ZNF469: variants seen among roughly 807,000 people sequenced by gnomAD.
The protein encoded by ZNF469 is zinc finger protein 469.
In ZNF469, 1 loss-of-function variant was observed where a neutral mutation model predicts 1.0. The observed-to-expected ratio is 1.00, with a 90% confidence interval of 0.35 to 4.73. ZNF469 has a LOEUF of 4.73. Ranked by LOEUF, ZNF469 falls within the 30% of genes most tolerant of loss-of-function variation. The pLI, the probability that ZNF469 is intolerant of heterozygous loss-of-function variation, is 0.16. For synonymous variants in ZNF469, 2,703 were observed against 2,363.4 expected (o/e 1.14, Z -4.17); for missense variants, 6,100 against 5,356.3 (o/e 1.14, Z -4.33).
At chr16:88,321,648 G>T in the ZNF469 span, among the ~76,000 whole-genome samples, 1 of 151,876 alleles carries the variant, frequency 6.6e-6, no homozygotes, top group South Asian at 2.1e-4. Context: ...GATTGGATGT[G>T]ACCCTCGGAT....
At chr16:88,289,032 A>G in the ZNF469 span, among the ~76,000 whole-genome samples, 4 of 151,066 alleles carry the variant, frequency 2.6e-5, no homozygotes, top group Non-Finnish European at 4.4e-5. Flanking sequence ...TGAGGGTGAT[A>G]ATGATAACAG....
chr16:88,310,966 G>A, the ZNF469 span, among the ~76,000 whole-genome samples: 26 of 152,162 alleles, frequency 1.7e-4, no homozygotes, highest in Non-Finnish European at 2.9e-4. Flanking sequence ...CTCATTCACC[G>A]TGCACCCTCA....
chr16:88,246,310 A>G, the ZNF469 span, among the ~76,000 whole-genome samples: 1 of 152,248 alleles, frequency 6.6e-6, no homozygotes, highest in Non-Finnish European at 1.5e-5. Context: ...GTCAGGTACC[A>G]GTTCCATCTT....
At chr16:88,135,566 G>A in the ZNF469 span, among the ~76,000 whole-genome samples, 29 of 152,150 alleles carry the variant, frequency 1.9e-4, no homozygotes, top group Admixed American at 1.4e-3. Flanking sequence ...GGAAGGCCCC[G>A]CACGTTAGCT....
At chr16:88,121,914 G>A in the ZNF469 span, among the ~76,000 whole-genome samples, 1 of 152,242 alleles carries the variant, frequency 6.6e-6, no homozygotes, top group East Asian at 1.9e-4. Flanking sequence ...GTGCGTCCCT[G>A]TCCTCTCATC....
chr16:88,388,019 C>T lies in ZNF469; in HGVS notation c.-192+4765C>T, dbSNP rs181740235. Among the ~76,000 whole-genome samples, 772 of 152,372 alleles carry T rather than the reference C, an allele frequency of 5.1e-3. 1 individual carries two copies. The highest frequency in any genetic ancestry group is 8.6e-3 in the Non-Finnish European group (583 of 68,040). On this transcript the variant is annotated intron_variant, in intron 1 of 2. Coordinates refer to ENST00000565624, the MANE Select transcript of ZNF469 (RefSeq NM_001367624.2). ...ACAGGGCAGCCACGGCTCCCAGCCT[C>T]GGTTTGCGTTACCAAGTGGGGTGCA...
Position 88,439,358 on chromosome 16 carries a change from G to T in ZNF469, c.*26G>T. The stretch of plus-strand genomic sequence containing the variant: ...TTTCTAGGAGCAAGAGCCTGGGACC[G>T]GAGCTGGGCGTTCCTGTCTCGGCCT... On this transcript the variant is annotated 3_prime_UTR_variant, in exon 3 of 3. Transcript: ENST00000565624. 6.5e-7 allele frequency: 1 copy of T among 1,549,772 alleles called. No individual in the cohort carries two copies. The highest frequency in any genetic ancestry group is 8.7e-7 in the Non-Finnish European group (1 of 1,146,784).
chr16:88,437,627 G>A lies in ZNF469; in HGVS notation c.10157G>A (p.Gly3386Glu). ...GGGGAGCTGCTGGCACACCTGGGCG[G>A]GGCGCACGGGCTGCTGGAGCGGCCG... ...EHGELLAHLG[G>E]AHGLLERPEL... The change falls in exon 3 of 3, where the codon GGG becomes GAG. Residue 3386 changes from glycine (G) to glutamate (E), a missense_variant. Transcript: ENST00000565624. 6.5e-7 allele frequency: 1 copy of A among 1,541,430 alleles called. No individual in the cohort carries two copies. Among genetic ancestry groups the A allele is most frequent in the Non-Finnish European group, 8.8e-7 (1 of 1,140,484 alleles).
At chr16:88,268,594 C>T in the ZNF469 span, among the ~76,000 whole-genome samples, 2 of 152,198 alleles carry the variant, frequency 1.3e-5, no homozygotes, top group Admixed American at 6.5e-5. Flanking sequence ...GAAGAACATG[C>T]AGGGGTCAAG....
the ZNF469 span, among the ~76,000 whole-genome samples, chr16:88,303,650 C>T: frequency 6.6e-5 from 10 of 152,210 alleles, no homozygotes; most frequent in Non-Finnish European, 1.0e-4. Context: ...CTGATGGCTC[C>T]GGCGGTGCCT....
chr16:88,419,584 C>T (rs1905395798), intron 1 of ZNF469, among the ~76,000 whole-genome samples: 1 of 152,126 alleles, frequency 6.6e-6, no homozygotes, highest in Admixed American at 6.5e-5. Flanking sequence ...TGGGTGTGGA[C>T]AGCCTCCCTA....
the ZNF469 span, among the ~76,000 whole-genome samples, chr16:88,291,051 C>T: frequency 1.3e-5 from 2 of 152,280 alleles, no homozygotes; most frequent in South Asian, 4.1e-4. Flanking sequence ...GGATGGGCTC[C>T]AGGTGTGTGT....
At chr16:88,298,365 A>G in the ZNF469 span, among the ~76,000 whole-genome samples, 2 of 152,190 alleles carry the variant, frequency 1.3e-5, no homozygotes, top group Non-Finnish European at 2.9e-5. Context: ...TCTCCGGGAA[A>G]GGGCGGATGA....
At chr16:88,340,023 G>A in the ZNF469 span, among the ~76,000 whole-genome samples, 2 of 152,050 alleles carry the variant, frequency 1.3e-5, no homozygotes, top group Admixed American at 1.3e-4. Context: ...GCAGGGGACA[G>A]GTGCAATATT....
At chr16:88,216,054 A>G in the ZNF469 span, among the ~76,000 whole-genome samples, 10 of 151,820 alleles carry the variant, frequency 6.6e-5, no homozygotes, top group East Asian at 1.9e-4. Context: ...ACTCTCTTCC[A>G]TATTTTTTTT....
the ZNF469 span, among the ~76,000 whole-genome samples, chr16:88,118,835 C>T: frequency 3.9e-5 from 6 of 152,210 alleles, no homozygotes; most frequent in East Asian, 1.9e-4. Flanking sequence ...GAGAACCACA[C>T]GGATAAGCAA....
the ZNF469 span, among the ~76,000 whole-genome samples, chr16:88,336,343 C>CCA: frequency 6.7e-6 from 1 of 149,864 alleles, no homozygotes; most frequent in Non-Finnish European, 1.5e-5. Context: ...CATGCCAACA[C>CCA]CACACATGTT....
the ZNF469 span, among the ~76,000 whole-genome samples, chr16:88,303,921 G>A: frequency 6.6e-6 from 1 of 152,160 alleles, no homozygotes; most frequent in Non-Finnish European, 1.5e-5. Flanking sequence ...CAGTGTCATC[G>A]CTCTTAATGA....
the ZNF469 span, among the ~76,000 whole-genome samples, chr16:88,105,901 C>T: frequency 6.6e-6 from 1 of 152,252 alleles, no homozygotes; most frequent in African/African-American, 2.4e-5. Context: ...AGCACTCACA[C>T]CACCTTGTGT....
Sources: allele counts gnomAD v4.1 joint callset (sites outside exome capture counted in the v4.1 genomes callset), GRCh38; gene constraint gnomAD v4.1.1; transcripts MANE v1.5; gene names NCBI Gene and HGNC (gene_info 2026-07-23, HGNC 2026-07-21).